NCOR2: variants seen among roughly 807,000 people sequenced by gnomAD.
NCOR2 encodes the protein CTG repeat protein 26.
NCOR2 carries 81 observed loss-of-function variants against 262.9 expected under a neutral mutation model. The observed-to-expected ratio is 0.31, with a 90% CI of 0.26 to 0.37. The LOEUF is 0.37. NCOR2 is among the 10% of genes least tolerant of loss of function. NCOR2 has a pLI of 1.00. For missense variants in NCOR2, 3,385 were observed against 3,621.4 expected (o/e 0.93, Z 1.68); for synonymous variants, 1,659 against 1,559.3 (o/e 1.06, Z -1.51).
rs537842654 is a variant in NCOR2, at chr12:124,544,975, G to A, written c.-164-9364C>T. On this transcript the variant is annotated intron_variant, in intron 1 of 32. Coordinates refer to the NCOR2 transcript ENST00000458234. The stretch of plus-strand genomic sequence containing the variant: ...CTAGTGCTGTCATTTTTTAAAGCCT[G>A]AGGAAGGTGCCTTGCTTCTCGGAAC... Among the ~76,000 whole-genome samples the A allele has an allele frequency of 5.9e-4, 90 of 152,282 alleles. 1 individual carries two copies. The highest frequency in any genetic ancestry group is 1.7e-3 in the South Asian group (8 of 4,826).
chr12:124,537,220 T>C (rs111439136), upstream of NCOR2, among the ~76,000 whole-genome samples: 5 of 152,238 alleles, frequency 3.3e-5, no homozygotes, highest in Non-Finnish European at 5.9e-5. Context: ...CCCTTTATAA[T>C]TGTTCGCTAA....
intron 16 of NCOR2, among the ~76,000 whole-genome samples, chr12:124,388,178 G>A (rs2040958925): frequency 1.3e-5 from 2 of 152,152 alleles, no homozygotes; most frequent in Admixed American, 1.3e-4. Flanking sequence ...GAGCTCGCTA[G>A]CAGTCTTGGC....
intron 1 of NCOR2, among the ~76,000 whole-genome samples, chr12:124,556,924 C>CCCTG (rs2051902444): frequency 6.6e-6 from 1 of 151,838 alleles, no homozygotes; most frequent in African/African-American, 2.4e-5. Flanking sequence ...AAAGAGTGCT[C>CCCTG]CGGCAGGGTG....
chr12:124,486,327 C>T, intron 2 of NCOR2, 114 bp downstream of exon 4: 13 of 1,475,726 alleles, frequency 8.8e-6, no homozygotes, highest in Non-Finnish European at 1.0e-5. Context: ...CACGGCCCGA[C>T]ATCCCCTCAT....
At chr12:124,524,143 G>A (rs1338116925) in intron 1 of NCOR2, among the ~76,000 whole-genome samples, 2 of 152,204 alleles carry the variant, frequency 1.3e-5, no homozygotes, top group East Asian at 3.8e-4. Flanking sequence ...ATAAAATGGT[G>A]ACAGCCAGTT....
chr12:124,407,650 G>A (rs1207367650), intron 13 of NCOR2, among the ~76,000 whole-genome samples: 2 of 152,212 alleles, frequency 1.3e-5, no homozygotes, highest in Admixed American at 1.3e-4. Context: ...AAGGTGCTGC[G>A]ACCACCCACG....
intron 12 of NCOR2, among the ~76,000 whole-genome samples, chr12:124,422,253 C>A (rs930356455): frequency 1.3e-5 from 2 of 152,218 alleles, no homozygotes; most frequent in Non-Finnish European, 2.9e-5. Flanking sequence ...CTGGGGTTCT[C>A]GGGATTCCCA....
intron 13 of NCOR2, among the ~76,000 whole-genome samples, chr12:124,406,124 G>A (rs1051787121): frequency 7.9e-5 from 12 of 152,232 alleles, no homozygotes; most frequent in Admixed American, 7.8e-4. Flanking sequence ...TTTTCTGTAA[G>A]GGCCAGAGGA....
intron 20 of NCOR2, among the ~76,000 whole-genome samples, chr12:124,365,376 C>G (rs1409725339): frequency 6.6e-6 from 1 of 152,220 alleles, no homozygotes; most frequent in Non-Finnish European, 1.5e-5. Context: ...TCACACCACC[C>G]CAGTCCCCAG....
intron 31 of NCOR2, among the ~76,000 whole-genome samples, chr12:124,345,172 TG>T (rs1436785819): frequency 6.6e-6 from 1 of 152,140 alleles, no homozygotes; most frequent in Non-Finnish European, 1.5e-5. Context: ...CCACGCTCCC[TG>T]GGGGGACTGC....
chr12:124,466,102 T>A, intron 5 of NCOR2, 71 bp downstream of exon 7: 1 of 1,406,710 alleles, frequency 7.1e-7, no homozygotes, highest in Non-Finnish European at 9.7e-7. Context: ...TGAGGCCTGA[T>A]TCATGGTGCC....
intron 10 of NCOR2, chr12:124,429,266 A>G (rs576402391): frequency 9.1e-5 from 27 of 297,500 alleles, no homozygotes; most frequent in African/African-American, 5.9e-4. Context: ...GGCTGGACTC[A>G]GCCAATGGGA....
chr12:124,418,655 G>T (rs1486445342), intron 13 of NCOR2, among the ~76,000 whole-genome samples: 1 of 152,180 alleles, frequency 6.6e-6, no homozygotes, highest in Non-Finnish European at 1.5e-5. Flanking sequence ...CCGGGCCTGG[G>T]CTTGACACAA....
intron 2 of NCOR2, among the ~76,000 whole-genome samples, chr12:124,486,187 G>A (rs185116095): frequency 1.8e-4 from 28 of 152,348 alleles, no homozygotes; most frequent in Non-Finnish European, 2.6e-4. Context: ...CCAGCTTGGA[G>A]GTCCCCACTG....
intron 3 of NCOR2, among the ~76,000 whole-genome samples, chr12:124,478,167 A>C (rs1301227792): frequency 6.6e-6 from 1 of 152,198 alleles, no homozygotes; most frequent in Non-Finnish European, 1.5e-5. Flanking sequence ...CCTTCCTGCT[A>C]ACACACCAAG....
exon 36 of NCOR2, chr12:124,340,410 G>C: frequency 6.2e-7 from 1 of 1,613,016 alleles, no homozygotes; most frequent in South Asian, 1.1e-5. Context: ...GGACGAGGAC[G>C]TGGTGGTTGG....
At position 124,341,907 on chromosome 12, in the gene NCOR2, C is replaced by G. The variant is rs201574379; in HGVS notation, c.5104G>C (p.Ala1702Pro). 219 of 1,612,736 alleles carry G rather than the reference C, an allele frequency of 1.4e-4. No homozygotes were observed. The highest frequency in any genetic ancestry group is 1.7e-4 in the Non-Finnish European group (198 of 1,179,984). ...AGCATATCAGCTCGCTGGGCCATGG[C>G]GGTGGCCGCGTTGTGGTGCATCTGC... Residue 1702 changes from alanine (A) to proline (P), a missense_variant, in exon 34 of 47, where the codon GCC becomes CCC. Ala to Pro is a conservative substitution (Grantham distance 27, BLOSUM62 -1). Coordinates refer to ENST00000405201, the Ensembl canonical transcript of NCOR2.
intron 16 of NCOR2, chr12:124,388,825 GGC>G: frequency 4.6e-6 from 6 of 1,293,166 alleles, no homozygotes; most frequent in Non-Finnish European, 5.1e-6. Flanking sequence ...GGCGTCTGCT[GGC>G]GGCTCAGCTC....
At chr12:124,385,271 C>T (rs906299) in intron 17 of NCOR2, among the ~76,000 whole-genome samples, 27,947 of 152,138 alleles carry the variant, frequency 0.18, 3,157 homozygotes, top group East Asian at 0.33. Flanking sequence ...CGTCCGCCCC[C>T]GCCCCCCCAG....
Sources: gnomAD v4.1 joint callset for allele counts (sites outside exome capture counted in the v4.1 genomes callset) on GRCh38, gnomAD v4.1.1 for gene constraint, MANE v1.5 for transcripts, NCBI Gene and HGNC (gene_info 2026-07-23, HGNC 2026-07-21) for gene names.